Variants in DNAH14 observed in about 807,000 individuals in gnomAD.
The protein encoded by DNAH14 is axonemal beta dynein heavy chain 14.
In DNAH14, 478 loss-of-function variants were observed where a neutral mutation model predicts 520.9. That is an observed-to-expected ratio of 0.92 (90% CI 0.85 to 0.99). DNAH14 has a LOEUF of 0.99. DNAH14 is among the 50% of genes least tolerant of loss of function. The pLI is 0.00. For missense variants in DNAH14, 4,831 were observed against 5,234.5 expected, an observed-to-expected ratio of 0.92 and a Z score of 2.38; for synonymous variants, 1,581 against 1,757.2, an observed-to-expected ratio of 0.90 and a Z score of 2.51.
At chr1:225,002,973 C>A (rs1437644450) in intron 9 of DNAH14, 46 bp downstream of exon 9, 1 of 1,380,970 alleles carries the variant, frequency 7.2e-7, no homozygotes, top group African/African-American at 1.5e-5. Flanking sequence ...TATATAGAAA[C>A]TAGGAAGAAA....
In DNAH14 at chr1:225,271,670, A is replaced by C. The variant is rs563157555; in HGVS notation, c.7672-236A>C. Among the ~76,000 whole-genome samples, 3 of 152,326 alleles carry C rather than the reference A, an allele frequency of 2.0e-5. No individual in the cohort carries two copies. The South Asian group carries it at 6.2e-4, about 32-fold the overall frequency. On this transcript the variant is annotated intron_variant, in intron 50 of 85. Transcript: ENST00000682510. ...ATTGTCCCCAGAAAAAATGTATCAC[A>C]TCCTTTTAGACCATTCAAGAGACTA...
intron 17 of DNAH14, among the ~76,000 whole-genome samples, chr1:225,060,668 A>G (rs1363212274): frequency 3.3e-5 from 4 of 122,234 alleles, no homozygotes; most frequent in African/African-American, 1.1e-4. Context: ...GTCTTTGATG[A>G]TGGTGATGTA....
chr1:225,078,768 ATCTCTC>A (rs1170812870), intron 17 of DNAH14, among the ~76,000 whole-genome samples: 6 of 15,680 alleles, frequency 3.8e-4, no homozygotes, highest in African/African-American at 1.7e-3. Context: ...CCCATTCTCA[ATCTCTC>A]TCTCTCTCTC....
At chr1:225,043,188 G>T (rs2067633579) in intron 13 of DNAH14, 74 bp downstream of exon 13, 5 of 1,423,810 alleles carry the variant, frequency 3.5e-6, no homozygotes, top group Non-Finnish European at 4.7e-6. Context: ...CTGGCACTCT[G>T]GGAGGCTGAG....
At chr1:225,278,413 A>G (rs952380042) in intron 54 of DNAH14, among the ~76,000 whole-genome samples, 1 of 152,160 alleles carries the variant, frequency 6.6e-6, no homozygotes, top group African/African-American at 2.4e-5. Flanking sequence ...ATTTCTCTGC[A>G]TCTCCACAGC....
At chr1:225,335,877 A>ATATG (rs1558438353) in intron 66 of DNAH14, among the ~76,000 whole-genome samples, 2 of 29,082 alleles carry the variant, frequency 6.9e-5, no homozygotes, top group Admixed American at 3.7e-4. Flanking sequence ...ATACACATAT[A>ATATG]CATATATGTA....
intron 26 of DNAH14, 116 bp downstream of exon 26, chr1:225,119,410 C>T: frequency 1.5e-6 from 1 of 653,618 alleles, no homozygotes. Context: ...GAGAAATATC[C>T]AGAAAAGAAT....
chr1:225,010,423 C>G (rs184369353), intron 10 of DNAH14, among the ~76,000 whole-genome samples: 1 of 152,016 alleles, frequency 6.6e-6, no homozygotes, highest in East Asian at 1.9e-4. Flanking sequence ...GTTGAACCAG[C>G]CTTGCATCCT....
intron 72 of DNAH14, among the ~76,000 whole-genome samples, chr1:225,352,576 A>G (rs2095380010): frequency 6.6e-6 from 1 of 152,152 alleles, no homozygotes; most frequent in Non-Finnish European, 1.5e-5. Context: ...ATGATAACTT[A>G]TATTTCCACC....
intron 77 of DNAH14, among the ~76,000 whole-genome samples, chr1:225,373,172 G>A (rs867763546): frequency 8.1e-5 from 11 of 135,748 alleles, no homozygotes; most frequent in Non-Finnish European, 9.3e-5. Flanking sequence ...AGCATTTGTG[G>A]AAAAAAAAAA....
Position 225,337,381 on chromosome 1 carries a change from A to G in DNAH14, c.10196A>G (p.His3399Arg), listed in dbSNP as rs370139767. ...CTGATTGACCCACATAGGCAAGCTC[A>G]CAAATGGATCCGTCAGATGGAAGGA... Reference protein sequence around the residue: ...PLLIDPHRQAHKWIRQMEGSR... With the variant: ...PLLIDPHRQARKWIRQMEGSR... The change falls in exon 67 of 86, where the codon CAC (histidine) becomes CGC (arginine). Residue 3399 changes from histidine to arginine, a missense_variant. Physicochemically the swap from His to Arg is conservative, Grantham distance 29. Coordinates refer to ENST00000682510, the MANE Select transcript of DNAH14 (RefSeq NM_001367479.1). 3.7e-5 allele frequency: 58 copies of G among 1,551,702 alleles called. No individual in the cohort carries two copies. In the African/African-American group the frequency reaches 7.1e-4, roughly 19 times the overall value.
intron 84 of DNAH14, among the ~76,000 whole-genome samples, chr1:225,395,228 T>A (rs1387965196): frequency 6.6e-6 from 1 of 152,214 alleles, no homozygotes; most frequent in East Asian, 1.9e-4. Context: ...TATTAAAAGA[T>A]CCTAAGGTTG....
At chr1:225,358,712 A>C in intron 74 of DNAH14, 60 bp downstream of exon 74, 1 of 1,485,898 alleles carries the variant, frequency 6.7e-7, no homozygotes, top group Non-Finnish European at 9.0e-7. Flanking sequence ...TCCCCACCCA[A>C]ATCTTACCTT....
chr1:225,356,179 T>C (rs2095426677), intron 73 of DNAH14, among the ~76,000 whole-genome samples: 1 of 152,058 alleles, frequency 6.6e-6, no homozygotes, highest in African/African-American at 2.4e-5. Context: ...TGTTTTTTGT[T>C]TTGGTTTGAG....
intron 41 of DNAH14, among the ~76,000 whole-genome samples, chr1:225,226,701 A>G (rs562786961): frequency 1.3e-5 from 2 of 152,304 alleles, no homozygotes; most frequent in South Asian, 2.1e-4. Flanking sequence ...ATAGAGGAAG[A>G]AAAGTGGGCC....
At chr1:225,073,758 T>C (rs2071849272) in intron 17 of DNAH14, among the ~76,000 whole-genome samples, 1 of 152,100 alleles carries the variant, frequency 6.6e-6, no homozygotes, top group African/African-American at 2.4e-5. Flanking sequence ...CAATCTCGGC[T>C]CACTACAACC....
chr1:225,381,723 C>A, intron 81 of DNAH14, 144 bp downstream of exon 81: 1 of 736,890 alleles, frequency 1.4e-6, no homozygotes, highest in Non-Finnish European at 2.1e-6. Flanking sequence ...CATATTTTCA[C>A]ATCTCTGAAG....
chr1:225,300,739 T>TA (rs539784290), intron 55 of DNAH14, 130 bp from the exon 56 acceptor site: 8,896 of 780,990 alleles, frequency 0.011, no homozygotes, highest in East Asian at 0.02. Context: ...AGATTAGCTT[T>TA]AAAAAAAAAA....
intron 25 of DNAH14, among the ~76,000 whole-genome samples, chr1:225,118,900 A>AG (rs1258532731): frequency 4.2e-4 from 63 of 151,792 alleles, no homozygotes; most frequent in African/African-American, 1.4e-3. Flanking sequence ...AAAAAAAAAA[A>AG]AAAAGAAAAG....
Sources: gnomAD v4.1 joint callset for allele counts (sites outside exome capture counted in the v4.1 genomes callset) on GRCh38, gnomAD v4.1.1 for gene constraint, MANE v1.5 for transcripts, NCBI Gene and HGNC (gene_info 2026-07-23, HGNC 2026-07-21) for gene names.